Variants in HSPA14 observed in about 807,000 individuals in gnomAD.
HSPA14 encodes heat shock 70 kDa protein 14.
HSPA14 carries 37 observed loss-of-function variants against 65.5 expected under a neutral mutation model. The observed-to-expected ratio is 0.56, with a 90% CI of 0.43 to 0.74. The LOEUF (loss-of-function observed/expected upper bound fraction) is 0.74. HSPA14 is among the 30% of genes least tolerant of loss of function. The probability of loss-of-function intolerance (pLI) is 0.00; values close to 1 mark genes in which losing one functional copy is unlikely to be tolerated. For synonymous variants in HSPA14, 203 were observed against 214.2 expected (o/e 0.95, Z 0.46); for missense variants, 564 against 607.6 (o/e 0.93, Z 0.75).
At position 14,870,650 on chromosome 10, in the gene HSPA14, TG is replaced by T; in HGVS notation, c.1435del (p.Val479PhefsTer4). The stretch of plus-strand genomic sequence containing the variant: ...AAAATGGATTACGTGATATATTAGC[TG>T]TTCTTACTATGAAAAGGTAAAAAAT... ...KENGLRDILAVLTMKRDGSLH... is the reference protein window; with the variant it reads ...KENGLRDILAXLTMKRDGSLH... On this transcript the variant is annotated frameshift_variant, in exon 13 of 14. Coordinates refer to ENST00000378372, the MANE Select transcript of HSPA14 (RefSeq NM_016299.4). LOFTEE classifies it high-confidence loss of function. 1 of 1,577,146 alleles carries T rather than the reference TG, an allele frequency of 6.3e-7. No individual in the cohort carries two copies. Among genetic ancestry groups the T allele is most frequent in the Non-Finnish European group, 8.7e-7 (1 of 1,155,000 alleles).
intron 10 of HSPA14, among the ~76,000 whole-genome samples, chr10:14,858,083 G>A (rs894609615): frequency 6.6e-6 from 1 of 152,006 alleles, no homozygotes; most frequent in Non-Finnish European, 1.5e-5. Context: ...GTTCTAGACT[G>A]GGCAAAATGC....
At chr10:14,855,569 A>G (rs1305459468) in intron 9 of HSPA14, among the ~76,000 whole-genome samples, 1 of 152,214 alleles carries the variant, frequency 6.6e-6, no homozygotes, top group African/African-American at 2.4e-5. Context: ...GTAGACCATA[A>G]GCAAGATGGG....
chr10:14,840,974 C>G (rs902272874), intron 3 of HSPA14, among the ~76,000 whole-genome samples: 5 of 152,148 alleles, frequency 3.3e-5, no homozygotes, highest in African/African-American at 1.2e-4. Context: ...GATCAGGTCT[C>G]CTCACCCTCG....
chr10:14,843,717 C>T, intron 3 of HSPA14: 1 of 1,538,494 alleles, frequency 6.5e-7, no homozygotes, highest in Non-Finnish European at 8.7e-7. Flanking sequence ...AAAAACTGGA[C>T]AGGCTGATTG....
intron 3 of HSPA14, chr10:14,845,006 G>A: frequency 1.0e-6 from 1 of 985,440 alleles, no homozygotes; most frequent in Non-Finnish European, 1.2e-6. Context: ...TGGTGGAAGA[G>A]AACAGCTTTG....
In HSPA14 at chr10:14,867,112, C is replaced by T; in HGVS notation, c.1023C>T (p.Ile341=). 3.1e-6 allele frequency: 5 copies of T among 1,613,508 alleles called. No homozygotes were observed. The highest frequency in any genetic ancestry group is 4.2e-6 in the Non-Finnish European group (5 of 1,179,576). Residue 341 remains isoleucine, a synonymous_variant, in exon 11 of 14, where the codon ATC becomes ATT. Transcript: ENST00000378372. ...TCCTTTGTGGAGGGTCTTCTCGAAT[C>T]CCAAAGCTACAGCAACTGATTAAAG... ...KVVLCGGSSR[I]PKLQQLIKDL...
intron 10 of HSPA14, among the ~76,000 whole-genome samples, chr10:14,857,814 C>G (rs1564324368): frequency 6.6e-6 from 1 of 151,816 alleles, no homozygotes; most frequent in Non-Finnish European, 1.5e-5. Context: ...CTTGTCTATA[C>G]TTTGACAGTT....
chr10:14,840,344 TG>T (rs368668426), intron 3 of HSPA14, among the ~76,000 whole-genome samples, 187 bp downstream of exon 3: 76 of 152,328 alleles, frequency 5.0e-4, no homozygotes, highest in African/African-American at 1.6e-3. Flanking sequence ...TTCTCTGATA[TG>T]GGATTCACTC....
chr10:14,848,739 G>A, intron 4 of HSPA14, 51 bp from the exon 5 acceptor site: 1 of 1,443,936 alleles, frequency 6.9e-7, no homozygotes, highest in South Asian at 1.3e-5. Context: ...TTGAAACTTT[G>A]CATTTTTATT....
intron 3 of HSPA14, chr10:14,843,486 C>G: frequency 2.6e-6 from 4 of 1,550,648 alleles, no homozygotes; most frequent in South Asian, 2.4e-5. Flanking sequence ...AGCCCAGCCC[C>G]TGCACCAGCA....
At chr10:14,846,663 C>A in intron 3 of HSPA14, 1 of 939,344 alleles carries the variant, frequency 1.1e-6, no homozygotes, top group Non-Finnish European at 1.3e-6. Context: ...GTCCTACCTA[C>A]CTCACAGGGG....
At chr10:14,868,238 A>T in intron 12 of HSPA14, among the ~76,000 whole-genome samples, 1 of 152,186 alleles carries the variant, frequency 6.6e-6, no homozygotes, top group East Asian at 1.9e-4. Flanking sequence ...TGTACGTTTT[A>T]CAGATGATTA....
In HSPA14 at chr10:14,849,729, C is replaced by T; in HGVS notation, c.385C>T (p.His129Tyr). The stretch of plus-strand genomic sequence containing the variant: ...TATTTTTTAATATGCAGAAACGGCA[C>T]ATTCTGTATTGGGCTCAGATGCAAA... ...LIFSKMKETAHSVLGSDANDV... is the reference protein window; with the variant it reads ...LIFSKMKETAYSVLGSDANDV... Residue 129 changes from histidine to tyrosine, a missense_variant, in exon 6 of 14, where the codon CAT (histidine) becomes TAT (tyrosine). Coordinates refer to ENST00000378372, the MANE Select transcript of HSPA14 (RefSeq NM_016299.4). 6.2e-7 allele frequency: 1 copy of T among 1,601,148 alleles called. No homozygotes were observed. Among genetic ancestry groups the T allele is most frequent in the Non-Finnish European group, 8.5e-7 (1 of 1,175,454 alleles).
chr10:14,858,597 G>A (rs527498592), intron 10 of HSPA14, among the ~76,000 whole-genome samples: 5 of 152,296 alleles, frequency 3.3e-5, no homozygotes, highest in African/African-American at 1.2e-4. Flanking sequence ...CTGGGCCTTC[G>A]ATTAGATAGG....
rs774949480 is a variant in HSPA14, at chr10:14,848,873, A to G, written c.354A>G (p.Arg118=). 6 of 1,553,672 alleles carry G rather than the reference A, an allele frequency of 3.9e-6. No individual in the cohort carries two copies. The highest frequency in any genetic ancestry group is 5.3e-6 in the Non-Finnish European group (6 of 1,130,002). ...TKFVNPEDVA[R]LIFSKMKETA... is the part of the protein sequence containing the mutation. ...TTGTTAACCCAGAAGATGTTGCCAG[A>G]CTGATATTTAGTAAAATGAAAGGTA... Residue 118 remains arginine, a synonymous_variant, in exon 5 of 14, where the codon AGA becomes AGG. Coordinates refer to ENST00000378372, the MANE Select transcript of HSPA14 (RefSeq NM_016299.4).
Position 14,854,178 on chromosome 10 carries a change from A to C in HSPA14, c.788A>C (p.Asn263Thr), listed in dbSNP as rs1399912641. The C allele has an allele frequency of 6.2e-7, 1 of 1,612,026 alleles. No individual in the cohort carries two copies. Among genetic ancestry groups the C allele is most frequent in the Non-Finnish European group, 8.5e-7 (1 of 1,179,482 alleles). ...GCGCGAGCCATGATGAAATTAACGA[A>C]CAGTGCTGAAGTAGCGAAACATTCT... ...GNARAMMKLT[N>T]SAEVAKHSLS... is the part of the protein sequence containing the mutation. The change falls in exon 9 of 14, where the codon AAC becomes ACC. Residue 263 changes from asparagine (N) to threonine (T), a missense_variant. Coordinates refer to ENST00000378372, the MANE Select transcript of HSPA14 (RefSeq NM_016299.4).
chr10:14,838,650 GTC>G, intron 1 of HSPA14, 191 bp downstream of exon 1: 1 of 560,502 alleles, frequency 1.8e-6, no homozygotes, highest in East Asian at 3.3e-5. Context: ...CCGGAAAGTC[GTC>G]TACTCCGCGG....
intron 7 of HSPA14, 138 bp downstream of exon 7, chr10:14,851,461 G>A: frequency 1.6e-6 from 1 of 607,370 alleles, no homozygotes; most frequent in Non-Finnish European, 2.9e-6. Flanking sequence ...CTTGCCTAGA[G>A]TTTTTCAAAT....
intron 6 of HSPA14, 190 bp from the exon 7 acceptor site, chr10:14,851,029 A>C: frequency 2.1e-6 from 1 of 480,784 alleles, no homozygotes; most frequent in Non-Finnish European, 3.6e-6. Flanking sequence ...TTACAATTTT[A>C]AACAGAAAGT....
Sources: allele counts gnomAD v4.1 joint callset (sites outside exome capture counted in the v4.1 genomes callset), GRCh38; gene constraint gnomAD v4.1.1; transcripts MANE v1.5; gene names NCBI Gene and HGNC (gene_info 2026-07-23, HGNC 2026-07-21).